ZNF92: variants seen among roughly 807,000 people sequenced by gnomAD.
ZNF92 encodes the protein epididymis luminal protein 203.
A neutral mutation model predicts 12.4 loss-of-function variants in ZNF92; 11 were observed. The ratio of observed to expected loss-of-function variants is 0.89; its 90% CI spans 0.56 to 1.47. The LOEUF (loss-of-function observed/expected upper bound fraction) is 1.47, where lower values mean the gene tolerates loss of function less well. Among genes scored for constraint, ZNF92 ranks in the 40% most tolerant of loss-of-function variants. ZNF92 has a pLI of 0.00. For synonymous variants in ZNF92, 206 were observed against 228.6 expected, an observed-to-expected ratio of 0.90 and a Z score of 0.89; for missense variants, 622 against 681.0, an observed-to-expected ratio of 0.91 and a Z score of 0.96.
chr7:65,380,121 T>C lies in ZNF92; in HGVS notation c.3+6121T>C, dbSNP rs552845860. 5.3e-5 allele frequency among the ~76,000 whole-genome samples: 8 copies of C among 152,306 alleles called. No homozygotes were observed. The South Asian group carries it at 1.2e-3, about 24-fold the overall frequency. On this transcript the variant is annotated intron_variant, in intron 1 of 3. Coordinates refer to ENST00000328747, the MANE Select transcript of ZNF92 (RefSeq NM_152626.4). Reference sequence around the variant, plus strand: ...ATAAATGATAGCATGCATTTGGTTTTCTGTTTCTGCATTAGTTTTCTAAGG... The same window carrying C: ...ATAAATGATAGCATGCATTTGGTTTCCTGTTTCTGCATTAGTTTTCTAAGG...
In ZNF92 at chr7:65,399,131, A is replaced by C; in HGVS notation, c.1017A>C (p.Lys339Asn). The change falls in exon 4 of 4, where the codon AAA becomes AAC. Residue 339 changes from lysine (K) to asparagine (N), a missense_variant. Transcript: ENST00000328747. The stretch of plus-strand genomic sequence containing the variant: ...ATAAGATAATCCATACTGGGGAAAA[A>C]CCATACAAATGTGAAGAATGTGGCA... ...KKHKIIHTGE[K>N]PYKCEECGKA... 4.3e-6 allele frequency: 7 copies of C among 1,612,910 alleles called. No individual in the cohort carries two copies. The highest frequency in any genetic ancestry group is 5.9e-6 in the Non-Finnish European group (7 of 1,179,470).
In ZNF92 at chr7:65,398,766, A is replaced by G; in HGVS notation, c.652A>G (p.Lys218Glu). Reference sequence around the variant, plus strand: ...CTTTAACTGGTCCTCAACCCTTACTAAACATAAGATAATTCATACTGGAGA... The same window carrying G: ...CTTTAACTGGTCCTCAACCCTTACTGAACATAAGATAATTCATACTGGAGA... Reference protein sequence around the residue: ...KAFNWSSTLTKHKIIHTGEKP... With the variant: ...KAFNWSSTLTEHKIIHTGEKP... Residue 218 changes from lysine (K) to glutamate (E), a missense_variant, in exon 4 of 4, where the codon AAA becomes GAA. Transcript: ENST00000328747. 1.9e-6 allele frequency: 3 copies of G among 1,613,140 alleles called. No homozygotes were observed. Among genetic ancestry groups the G allele is most frequent in the Non-Finnish European group, 2.5e-6 (3 of 1,179,762 alleles).
In ZNF92 at chr7:65,387,919, G is replaced by T; in HGVS notation, c.21G>T (p.Arg7Ser). The T allele has an allele frequency of 6.2e-7, 1 of 1,606,104 alleles. No individual in the cohort carries two copies. Among genetic ancestry groups the T allele is most frequent in the East Asian group, 2.2e-5 (1 of 44,532 alleles). Reference sequence around the variant, plus strand: ...TTTTTCAGGGACCACTGACATTTAGGGATGTGAAAATAGAATTCTCTCTAG... The same window carrying T: ...TTTTTCAGGGACCACTGACATTTAGTGATGTGAAAATAGAATTCTCTCTAG... MGPLTF[R>S]DVKIEFSLEE... is the part of the protein sequence containing the mutation. Residue 7 changes from arginine to serine, a missense_variant, in exon 2 of 4, where the codon AGG (arginine) becomes AGT (serine). Physicochemically the swap from Arg to Ser is moderately radical, Grantham distance 110. Coordinates refer to ENST00000328747, the MANE Select transcript of ZNF92 (RefSeq NM_152626.4).
chr7:65,398,232 A>C (rs1367356162), intron 3 of ZNF92, 109 bp from the exon 4 acceptor site: 14 of 899,680 alleles, frequency 1.6e-5, no homozygotes, highest in Admixed American at 3.2e-5. Context: ...GCATTTTGCT[A>C]TGCCATCTTG....
intron 3 of ZNF92, among the ~76,000 whole-genome samples, chr7:65,396,737 ACTC>A (rs1350532917): frequency 6.6e-6 from 1 of 151,382 alleles, no homozygotes; most frequent in African/African-American, 2.4e-5. Context: ...CTGATCTTGA[ACTC>A]CTGGTCTCAA....
rs151074984 is a variant in ZNF92, at chr7:65,398,559, A to C, written c.445A>C (p.Lys149Gln). The C allele has an allele frequency of 3.1e-6, 5 of 1,609,400 alleles. No homozygotes were observed. In the African/African-American group the frequency reaches 6.7e-5, roughly 22 times the overall value. Reference protein sequence around the residue: ...TTDSKIFQCDKYVKVFHKFPN... With the variant: ...TTDSKIFQCDQYVKVFHKFPN... ...TGACAGCAAGATATTTCAGTGTGATAAATATGTGAAAGTCTTTCATAAATT... is the reference window on the plus strand; with the variant it reads ...TGACAGCAAGATATTTCAGTGTGATCAATATGTGAAAGTCTTTCATAAATT... Residue 149 changes from lysine (K) to glutamine (Q), a missense_variant, in exon 4 of 4, where the codon AAA (lysine) becomes CAA (glutamine). Transcript: ENST00000328747.
At chr7:65,387,647 T>C (rs559900403) in intron 1 of ZNF92, among the ~76,000 whole-genome samples, 2 of 152,134 alleles carry the variant, frequency 1.3e-5, no homozygotes, top group East Asian at 1.9e-4. Context: ...CTTAATTTTA[T>C]ACTTTATCAT....
chr7:65,398,856 A>G lies in ZNF92; in HGVS notation c.742A>G (p.Lys248Glu). The G allele has an allele frequency of 6.2e-7, 1 of 1,612,992 alleles. No individual in the cohort carries two copies. Among genetic ancestry groups the G allele is most frequent in the Non-Finnish European group, 8.5e-7 (1 of 1,179,814 alleles). The change falls in exon 4 of 4, where the codon AAA becomes GAA. Residue 248 changes from lysine (K) to glutamate (E), a missense_variant. Physicochemically the swap from Lys to Glu is moderately conservative, Grantham distance 56. Coordinates refer to ENST00000328747, the MANE Select transcript of ZNF92 (RefSeq NM_152626.4). The stretch of plus-strand genomic sequence containing the variant: ...CCGGTCCTCAAATCTTACTAAACAT[A>G]AAATAATTCATACTGGAGAGAAACC... ...FNRSSNLTKH[K>E]IIHTGEKPYK...
rs140317388 is a variant in ZNF92, at chr7:65,380,536, T to C, written c.3+6536T>C. ...ATCCACCTGCCTCACCCTGCCAAAG[T>C]GCTGGGATTACAGGCGTGAACCACT... On this transcript the variant is annotated intron_variant, in intron 1 of 3. Transcript: ENST00000328747. Among the ~76,000 whole-genome samples, 204 of 152,248 alleles carry C rather than the reference T, an allele frequency of 1.3e-3. 1 individual carries two copies. The highest frequency in any genetic ancestry group is 4.7e-3 in the African/African-American group (196 of 41,538).
At chr7:65,398,303 T>C (rs1793896274) in intron 3 of ZNF92, 38 bp from the exon 4 acceptor site, 2 of 1,453,810 alleles carry the variant, frequency 1.4e-6, no homozygotes, top group East Asian at 2.3e-5. Context: ...CATCTGAGTC[T>C]AGTAAGTGAA....
intron 1 of ZNF92, among the ~76,000 whole-genome samples, chr7:65,381,097 T>A (rs1034110841): frequency 1.4e-4 from 22 of 152,174 alleles, no homozygotes; most frequent in African/African-American, 5.1e-4. Context: ...CACTGCAACC[T>A]CCATCTCCTG....
chr7:65,391,771 GT>G (rs1793721987), intron 3 of ZNF92, among the ~76,000 whole-genome samples: 1 of 151,956 alleles, frequency 6.6e-6, no homozygotes, highest in South Asian at 2.1e-4. Context: ...TACTTATTAA[GT>G]TTTTTATTAG....
Position 65,400,149 on chromosome 7 carries a change from A to G in ZNF92, c.*274A>G. On this transcript the variant is annotated 3_prime_UTR_variant, in exon 4 of 4. Transcript: ENST00000328747. Reference sequence around the variant, plus strand: ...GCCATTTATATCTGCTCACATGTAAAAACATCAGTTCATACTTAATAAAAT... The same window carrying G: ...GCCATTTATATCTGCTCACATGTAAGAACATCAGTTCATACTTAATAAAAT... 1 of 282,014 alleles carries G rather than the reference A, an allele frequency of 3.5e-6. No individual in the cohort carries two copies. Among genetic ancestry groups the G allele is most frequent in the Non-Finnish European group, 6.6e-6 (1 of 150,878 alleles). 17.5% of individuals were successfully genotyped at this position (282,014 alleles called of 1,614,324 possible). A position where few individuals can be genotyped will look rare whatever the true frequency, so the allele number is the denominator to read the frequency against.
At chr7:65,386,751 A>G (rs1793575875) in intron 1 of ZNF92, among the ~76,000 whole-genome samples, 1 of 152,060 alleles carries the variant, frequency 6.6e-6, no homozygotes, top group Non-Finnish European at 1.5e-5. Context: ...TCAGGCTATA[A>G]TTTACTTTTT....
chr7:65,391,296 G>A (rs1417309850), intron 3 of ZNF92, among the ~76,000 whole-genome samples: 2 of 151,766 alleles, frequency 1.3e-5, no homozygotes, highest in Admixed American at 6.6e-5. Context: ...TTTTCTTGCT[G>A]TTGGAGGATA....
At chr7:65,397,592 A>C (rs1317655403) in intron 3 of ZNF92, among the ~76,000 whole-genome samples, 1 of 152,002 alleles carries the variant, frequency 6.6e-6, no homozygotes, top group African/African-American at 2.4e-5. Context: ...TGAGATTTGG[A>C]CATTAAAAAA....
intron 3 of ZNF92, among the ~76,000 whole-genome samples, chr7:65,394,616 T>C (rs561815177): frequency 6.6e-6 from 1 of 152,264 alleles, no homozygotes; most frequent in South Asian, 2.1e-4. Context: ...TCTTTACCAC[T>C]GTAGGTTGTA....
intron 1 of ZNF92, among the ~76,000 whole-genome samples, chr7:65,374,363 G>A (rs1315924646): frequency 2.0e-5 from 3 of 152,080 alleles, no homozygotes; most frequent in Admixed American, 6.6e-5. Context: ...GAAGAGCTTT[G>A]GTCCGTGTGG....
At chr7:65,391,242 C>A (rs935068826) in intron 3 of ZNF92, among the ~76,000 whole-genome samples, 1 of 152,084 alleles carries the variant, frequency 6.6e-6, no homozygotes, top group Non-Finnish European at 1.5e-5. Flanking sequence ...AGCCATGATG[C>A]CTGGCTCTCT....
Sources: gnomAD v4.1 joint callset for allele counts (sites outside exome capture counted in the v4.1 genomes callset) on GRCh38, gnomAD v4.1.1 for gene constraint, MANE v1.5 for transcripts, NCBI Gene and HGNC (gene_info 2026-07-23, HGNC 2026-07-21) for gene names.